SH3GL2: variants seen among roughly 807,000 people sequenced by gnomAD.
SH3GL2 encodes the protein endophilin-A1.
Under a neutral mutation model 46.0 loss-of-function variants are expected in SH3GL2, and 24 were observed. The ratio of observed to expected loss-of-function variants is 0.52; its 90% confidence interval spans 0.38 to 0.73. The LOEUF (loss-of-function observed/expected upper bound fraction) is 0.73, where lower values mean the gene tolerates loss of function less well. Among genes scored for constraint, SH3GL2 ranks in the 30% least tolerant of loss-of-function variants. The probability of loss-of-function intolerance (pLI) is 0.00; values close to 1 mark genes in which losing one functional copy is unlikely to be tolerated. For missense variants in SH3GL2, 413 were observed against 424.2 expected, an observed-to-expected ratio of 0.97 and a Z score of 0.23; for synonymous variants, 196 against 147.1, an observed-to-expected ratio of 1.33 and a Z score of -2.40.
intron 1 of SH3GL2, among the ~76,000 whole-genome samples, chr9:17,598,487 A>G (rs1289787203): frequency 1.3e-5 from 2 of 152,192 alleles, no homozygotes; most frequent in Non-Finnish European, 2.9e-5. Flanking sequence ...AAACTGAGAA[A>G]TTGAGGCTGA....
chr9:17,591,946 C>T (rs1818490057), intron 1 of SH3GL2, among the ~76,000 whole-genome samples: 1 of 152,128 alleles, frequency 6.6e-6, no homozygotes, highest in South Asian at 2.1e-4. Context: ...TGTTTACTGA[C>T]TATATAAGGG....
intron 2 of SH3GL2, among the ~76,000 whole-genome samples, chr9:17,759,699 C>G (rs1216472989): frequency 1.3e-5 from 2 of 151,994 alleles, no homozygotes; most frequent in African/African-American, 4.8e-5. Context: ...ATGGGGGAAC[C>G]TTAGAAATTG....
intron 3 of SH3GL2, among the ~76,000 whole-genome samples, chr9:17,774,109 G>T (rs895935396): frequency 6.6e-6 from 1 of 152,088 alleles, no homozygotes; most frequent in Non-Finnish European, 1.5e-5. Flanking sequence ...TTCGTTGTCA[G>T]TGTATAGAAA....
chr9:17,691,778 G>A (rs1440025051), intron 1 of SH3GL2, among the ~76,000 whole-genome samples: 1 of 151,930 alleles, frequency 6.6e-6, no homozygotes, highest in Non-Finnish European at 1.5e-5. Context: ...ATTTTTCCTG[G>A]AACTTTGCTC....
intron 1 of SH3GL2, among the ~76,000 whole-genome samples, chr9:17,682,992 A>G (rs73645131): frequency 0.025 from 3,819 of 152,222 alleles, 67 homozygotes; most frequent in African/African-American, 0.032. Flanking sequence ...TCCAGATAGT[A>G]TACAAAATGA....
At chr9:17,733,425 A>G (rs1193549993) in intron 1 of SH3GL2, among the ~76,000 whole-genome samples, 31 of 151,974 alleles carry the variant, frequency 2.0e-4, no homozygotes, top group Non-Finnish European at 3.7e-4. Context: ...ATCCCTACCC[A>G]TCTCACACCA....
chr9:17,698,666 C>A (rs962405847), intron 1 of SH3GL2, among the ~76,000 whole-genome samples: 4 of 152,092 alleles, frequency 2.6e-5, no homozygotes, highest in Admixed American at 1.3e-4. Context: ...TAATGCTGGG[C>A]AGGCCATTTA....
chr9:17,757,510 C>T (rs1178343462), intron 2 of SH3GL2, among the ~76,000 whole-genome samples: 1 of 152,218 alleles, frequency 6.6e-6, no homozygotes, highest in African/African-American at 2.4e-5. Flanking sequence ...TGAACAGTTT[C>T]ACTTTCTTTA....
chr9:17,739,903 C>G (rs1822474157), intron 1 of SH3GL2, among the ~76,000 whole-genome samples: 1 of 152,160 alleles, frequency 6.6e-6, no homozygotes, highest in South Asian at 2.1e-4. Context: ...ACAGTTACAG[C>G]ATCATACAAA....
chr9:17,754,178 A>G (rs1366383518), intron 2 of SH3GL2, among the ~76,000 whole-genome samples: 1 of 152,134 alleles, frequency 6.6e-6, no homozygotes, highest in Non-Finnish European at 1.5e-5. Flanking sequence ...TTCTGTTTCC[A>G]TATGAATTTT....
At position 17,599,224 on chromosome 9, in the gene SH3GL2, C is replaced by G. The variant is rs114945240; in HGVS notation, c.45+19937C>G. On this transcript the variant is annotated intron_variant, in intron 1 of 8. Coordinates refer to ENST00000380607, the MANE Select transcript of SH3GL2 (RefSeq NM_003026.5). ...TTTCTTTTGAAATGGGGAATACTTT[C>G]TAAACATAACATATCATGCAGAGAC... 3.0e-3 allele frequency among the ~76,000 whole-genome samples: 452 copies of G among 152,186 alleles called. 2 individuals are homozygous for G. The highest frequency in any genetic ancestry group is 7.3e-3 in the African/African-American group (303 of 41,528).
chr9:17,622,816 A>C (rs1819174926), intron 1 of SH3GL2, among the ~76,000 whole-genome samples: 2 of 152,114 alleles, frequency 1.3e-5, no homozygotes, highest in Non-Finnish European at 2.9e-5. Context: ...CTCCGTTGGC[A>C]GGGTATGTGC....
chr9:17,749,856 A>G (rs1822795274), intron 2 of SH3GL2, among the ~76,000 whole-genome samples: 1 of 152,186 alleles, frequency 6.6e-6, no homozygotes, highest in Admixed American at 6.5e-5. Flanking sequence ...AGGTATAAGG[A>G]TTATTTCTCC....
intron 1 of SH3GL2, among the ~76,000 whole-genome samples, chr9:17,690,977 G>T (rs1245372438): frequency 3.3e-5 from 5 of 152,204 alleles, no homozygotes; most frequent in African/African-American, 1.2e-4. Context: ...CCTTACTACC[G>T]AAGTGTGGCA....
At chr9:17,702,444 C>CAA (rs11440447) in intron 1 of SH3GL2, among the ~76,000 whole-genome samples, 12 of 148,914 alleles carry the variant, frequency 8.1e-5, no homozygotes, top group Admixed American at 3.4e-4. Context: ...TGTTGCACAG[C>CAA]AAAAAAAAAC....
At chr9:17,672,810 C>T (rs571904699) in intron 1 of SH3GL2, among the ~76,000 whole-genome samples, 16 of 152,282 alleles carry the variant, frequency 1.1e-4, no homozygotes, top group African/African-American at 3.8e-4. Context: ...CATCCATGTT[C>T]GTGGTTTTAA....
At chr9:17,619,506 C>T (rs552619205) in intron 1 of SH3GL2, among the ~76,000 whole-genome samples, 28 of 152,042 alleles carry the variant, frequency 1.8e-4, no homozygotes, top group African/African-American at 6.3e-4. Context: ...GATGACACCC[C>T]GTCTCTACTA....
chr9:17,759,565 T>G (rs573351039), intron 2 of SH3GL2, among the ~76,000 whole-genome samples: 1 of 152,312 alleles, frequency 6.6e-6, no homozygotes, highest in East Asian at 1.9e-4. Flanking sequence ...TGTATCTGTT[T>G]TCTCATATAC....
intron 3 of SH3GL2, among the ~76,000 whole-genome samples, chr9:17,781,533 A>G (rs1357195563): frequency 2.0e-5 from 3 of 152,076 alleles, no homozygotes; most frequent in South Asian, 2.1e-4. Context: ...TGCTTTGTAC[A>G]TGTCTGTTAT....
Sources: gnomAD v4.1 joint callset for allele counts (sites outside exome capture counted in the v4.1 genomes callset) on GRCh38, gnomAD v4.1.1 for gene constraint, MANE v1.5 for transcripts, NCBI Gene and HGNC (gene_info 2026-07-23, HGNC 2026-07-21) for gene names.